The following CACNA1C variants were observed in gnomAD, a reference collection of about 807,000 sequenced individuals.
CACNA1C encodes the protein calcium voltage-gated channel subunit alpha1 C.
In CACNA1C, 30 loss-of-function variants were observed where a neutral mutation model predicts 229.0. That is an observed-to-expected ratio of 0.13 (90% confidence interval 0.10 to 0.18). The LOEUF (loss-of-function observed/expected upper bound fraction) is 0.18. Among genes scored for constraint, CACNA1C ranks in the 10% least tolerant of loss-of-function variants. CACNA1C has a pLI of 1.00. For missense variants in CACNA1C, 1,658 were observed against 2,845.0 expected, an observed-to-expected ratio of 0.58 and a Z score of 9.49; for synonymous variants, 1,114 against 1,132.5, an observed-to-expected ratio of 0.98 and a Z score of 0.33.
rs772409263 is a variant in CACNA1C at position 2,581,653 on chromosome 12, C to T, written c.1959C>T (p.Ser653=). The T allele has an allele frequency of 2.5e-6, 4 of 1,604,754 alleles. No homozygotes were observed. Among genetic ancestry groups the T allele is most frequent in the Non-Finnish European group, 3.4e-6 (4 of 1,175,402 alleles). ...TGAACTCTGTGCGCTCCATCGCCTCCCTGCTCCTTCTCCTCTTCCTCTTCA... is the reference window on the plus strand; with the variant it reads ...TGAACTCTGTGCGCTCCATCGCCTCTCTGCTCCTTCTCCTCTTCCTCTTCA... ...SLLNSVRSIA[S]LLLLLFLFII... The change falls in exon 14 of 47, where the codon TCC becomes TCT. Residue 653 remains serine (S), a synonymous_variant. Transcript: ENST00000399655.
At chr12:2,159,872 G>A (rs1023750269) in intron 3 of CACNA1C, among the ~76,000 whole-genome samples, 2 of 152,180 alleles carry the variant, frequency 1.3e-5, no homozygotes, top group African/African-American at 2.4e-5. Context: ...CCAAAGTGCT[G>A]GGATTATAGG....
At chr12:2,430,323 A>G (rs1022445503) in intron 3 of CACNA1C, among the ~76,000 whole-genome samples, 3 of 152,162 alleles carry the variant, frequency 2.0e-5, no homozygotes, top group Non-Finnish European at 4.4e-5. Flanking sequence ...CTGCTGTGCT[A>G]TGTTTCATTC....
chr12:2,557,387 G>T (rs576936412), intron 11 of CACNA1C, among the ~76,000 whole-genome samples: 2 of 152,186 alleles, frequency 1.3e-5, no homozygotes, highest in Non-Finnish European at 2.9e-5. Context: ...TATGACACCC[G>T]TCTGTGTCAC....
intron 1 of CACNA1C, among the ~76,000 whole-genome samples, chr12:2,097,599 G>T (rs991756946): frequency 6.6e-6 from 1 of 152,188 alleles, no homozygotes; most frequent in African/African-American, 2.4e-5. Flanking sequence ...CGTCCTAAGG[G>T]GTTTGAAGAG....
intron 3 of CACNA1C, among the ~76,000 whole-genome samples, chr12:2,168,614 A>G (rs958885215): frequency 6.6e-6 from 1 of 152,210 alleles, no homozygotes; most frequent in African/African-American, 2.4e-5. Flanking sequence ...GAATTTCTCC[A>G]GCTCTCCCTT....
intron 3 of CACNA1C, among the ~76,000 whole-genome samples, chr12:2,168,149 C>T (rs1055538265): frequency 6.6e-6 from 1 of 152,130 alleles, no homozygotes; most frequent in Non-Finnish European, 1.5e-5. Flanking sequence ...GAGGTCAGAT[C>T]ATCAAAAGCC....
chr12:2,519,179 T>C (rs1351325513), intron 9 of CACNA1C, among the ~76,000 whole-genome samples: 2 of 152,256 alleles, frequency 1.3e-5, no homozygotes, highest in East Asian at 3.8e-4. Flanking sequence ...TTACACTTGC[T>C]TGCTGGGCTA....
intron 3 of CACNA1C, among the ~76,000 whole-genome samples, chr12:2,122,959 C>T (rs1056427409): frequency 5.3e-5 from 8 of 152,182 alleles, no homozygotes; most frequent in Admixed American, 2.6e-4. Flanking sequence ...TCTGGGGATG[C>T]GCATCAAAAA....
At chr12:2,015,234 G>A (rs896365069) in intron 1 of CACNA1C, among the ~76,000 whole-genome samples, 3 of 152,162 alleles carry the variant, frequency 2.0e-5, no homozygotes, top group East Asian at 1.9e-4. Context: ...AGGGGCACCC[G>A]TTGGGCTACA....
chr12:2,560,606 G>A (rs572626724), intron 11 of CACNA1C, among the ~76,000 whole-genome samples: 1 of 152,274 alleles, frequency 6.6e-6, no homozygotes, highest in East Asian at 1.9e-4. Context: ...ACAAGTTGGA[G>A]TTTCTGGATC....
chr12:2,668,117 G>A (rs1013540305), intron 37 of CACNA1C, among the ~76,000 whole-genome samples: 3 of 80,318 alleles, frequency 3.7e-5, no homozygotes, highest in Non-Finnish European at 1.2e-4. Context: ...AAGCTCCTGT[G>A]ATCCTTTCTC....
At chr12:2,507,566 C>G (rs1384380133) in intron 8 of CACNA1C, among the ~76,000 whole-genome samples, 1 of 152,202 alleles carries the variant, frequency 6.6e-6, no homozygotes, top group Non-Finnish European at 1.5e-5. Context: ...AGCTACACTT[C>G]CAGAAGCATT....
intron 3 of CACNA1C, among the ~76,000 whole-genome samples, chr12:2,123,963 T>C (rs1283711665): frequency 2.0e-5 from 3 of 152,190 alleles, no homozygotes; most frequent in Non-Finnish European, 4.4e-5. Context: ...TTGGGTCTTG[T>C]TAATAGTGCT....
intron 3 of CACNA1C, among the ~76,000 whole-genome samples, chr12:2,345,103 C>T (rs1189934884): frequency 6.7e-6 from 1 of 150,344 alleles, no homozygotes; most frequent in East Asian, 1.9e-4. Context: ...AGAGGAACTG[C>T]ATGCTCAATC....
At chr12:2,338,790 T>C (rs2154520372) in intron 3 of CACNA1C, among the ~76,000 whole-genome samples, 1 of 152,204 alleles carries the variant, frequency 6.6e-6, no homozygotes, top group South Asian at 2.1e-4. Flanking sequence ...TCTTGAGGGC[T>C]TATCCTAGGC....
At chr12:2,476,771 T>C (rs1205793587) in intron 5 of CACNA1C, among the ~76,000 whole-genome samples, 3 of 152,192 alleles carry the variant, frequency 2.0e-5, no homozygotes, top group Non-Finnish European at 2.9e-5. Flanking sequence ...CCTTTAGTGT[T>C]CCTCATACCA....
intron 30 of CACNA1C, among the ~76,000 whole-genome samples, chr12:2,635,360 G>A (rs772005681): frequency 1.2e-4 from 18 of 152,176 alleles, no homozygotes; most frequent in South Asian, 2.1e-4. Context: ...GCCTTCTTGC[G>A]GTCTTTAACA....
rs374857905 is a variant in CACNA1C at position 2,585,427 on chromosome 12, G to A, written c.2391G>A (p.Gly797=). Residue 797 remains glycine (G), a synonymous_variant, in exon 17 of 47, where the codon GGG becomes GGA. Coordinates refer to ENST00000399655, the MANE Select transcript of CACNA1C (RefSeq NM_000719.7). This position sits in a 1 kb window ranked among gnomAD's most constrained non-coding sequence, Gnocchi z 4.1. ...KQELVEKPAV[G]ESKEEKIELK... is the part of the protein sequence containing the mutation. ...AGTTGGTGGAGAAGCCGGCAGTGGG[G>A]GAATCCAAGGAGGAGAAGATTGAGC... The A allele has an allele frequency of 1.9e-4, 309 of 1,608,514 alleles. No homozygotes were observed. The highest frequency in any genetic ancestry group is 2.4e-4 in the Non-Finnish European group (280 of 1,177,320).
chr12:2,572,177 G>C (rs886311470), intron 13 of CACNA1C, among the ~76,000 whole-genome samples: 1 of 151,832 alleles, frequency 6.6e-6, no homozygotes, highest in Admixed American at 6.6e-5. Flanking sequence ...TTCCATGCTA[G>C]TGGTCCAATG....
Sources: allele counts gnomAD v4.1 joint callset (sites outside exome capture counted in the v4.1 genomes callset), GRCh38; gene constraint gnomAD v4.1.1; non-coding constraint Gnocchi (gnomAD v3.1); transcripts MANE v1.5; gene names NCBI Gene and HGNC (gene_info 2026-07-23, HGNC 2026-07-21).